Variants in TAS2R1 observed in about 807,000 individuals in gnomAD.
TAS2R1 encodes the protein taste 2 receptor member 1.
For missense variants in TAS2R1, 370 were observed against 353.4 expected (o/e 1.05, Z -0.38); for synonymous variants, 141 against 134.2 (o/e 1.05, Z -0.35).
intron 1 of TAS2R1, among the ~76,000 whole-genome samples, chr5:9,681,466 T>A (rs1740993377): frequency 6.8e-6 from 1 of 147,562 alleles, no homozygotes; most frequent in Non-Finnish European, 1.5e-5. Context: ...GAGTACCATC[T>A]CTTATCTTTC....
intron 1 of TAS2R1, among the ~76,000 whole-genome samples, chr5:9,672,684 A>G (rs1054993890): frequency 6.6e-6 from 1 of 152,180 alleles, no homozygotes; most frequent in Non-Finnish European, 1.5e-5. Context: ...CTGCTGGTTG[A>G]AATGTAAATT....
chr5:9,728,723 G>A, the TAS2R1 span, among the ~76,000 whole-genome samples: 1 of 152,180 alleles, frequency 6.6e-6, no homozygotes, highest in African/African-American at 2.4e-5. Flanking sequence ...AAGGGCAAGT[G>A]GCACGTCTGC....
In TAS2R1 at chr5:9,677,135, G is replaced by A. The variant is rs188262751; in HGVS notation, c.-241-17554C>T. 9.2e-5 allele frequency among the ~76,000 whole-genome samples: 14 copies of A among 152,188 alleles called. No individual in the cohort carries two copies. In the East Asian group the frequency reaches 1.5e-3, roughly 17 times the overall value. Reference sequence around the variant, plus strand: ...ACGGATGGAGCTGGAAACCATTATCGTTAGCAAACTAACTCAGGGACAGAA... The same window carrying A: ...ACGGATGGAGCTGGAAACCATTATCATTAGCAAACTAACTCAGGGACAGAA... On this transcript the variant is annotated intron_variant, in intron 1 of 2. Coordinates refer to the TAS2R1 transcript ENST00000506620.
At chr5:9,827,883 G>A in the TAS2R1 span, among the ~76,000 whole-genome samples, 1 of 152,136 alleles carries the variant, frequency 6.6e-6, no homozygotes, top group Non-Finnish European at 1.5e-5. Context: ...CCAAGTTTAT[G>A]TACTTATATT....
chr5:9,629,965 G>A lies in TAS2R1; in HGVS notation c.68C>T (p.Thr23Ile). The change falls in exon 1 of 1, where the codon ACA becomes ATA. Residue 23 changes from threonine (T) to isoleucine (I), a missense_variant. Transcript: ENST00000382492. ...ATTCACCACCACAATGATGCCATTT[G>A]TGAAAATCCCAAGAAGAAATTGTAT... ...AVIQFLLGIF[T>I]NGIIVVVNGI... 1.2e-6 allele frequency: 2 copies of A among 1,605,938 alleles called. No homozygotes were observed. The highest frequency in any genetic ancestry group is 1.7e-6 in the Non-Finnish European group (2 of 1,177,424).
chr5:9,876,448 T>A, the TAS2R1 span, among the ~76,000 whole-genome samples: 2 of 152,132 alleles, frequency 1.3e-5, no homozygotes, highest in Admixed American at 1.3e-4. Flanking sequence ...AAGGCCACAA[T>A]TGTTCTCTTG....
the TAS2R1 span, among the ~76,000 whole-genome samples, chr5:9,718,621 T>TACAAA: frequency 3.5e-3 from 530 of 152,106 alleles, 1 homozygote; most frequent in Non-Finnish European, 5.8e-3. Context: ...CCCTCATCTC[T>TACAAA]ACAAAACAAA....
At chr5:9,737,422 A>G in the TAS2R1 span, among the ~76,000 whole-genome samples, 1 of 152,180 alleles carries the variant, frequency 6.6e-6, no homozygotes, top group Non-Finnish European at 1.5e-5. Flanking sequence ...AATTATAACA[A>G]TGTCATAAAA....
the TAS2R1 span, among the ~76,000 whole-genome samples, chr5:9,719,686 T>C: frequency 6.6e-6 from 1 of 151,932 alleles, no homozygotes; most frequent in Non-Finnish European, 1.5e-5. Context: ...CCCAGCACTT[T>C]GGGAGGCCGA....
chr5:9,850,902 T>C, the TAS2R1 span, among the ~76,000 whole-genome samples: 2 of 151,984 alleles, frequency 1.3e-5, no homozygotes. Flanking sequence ...AATTAAAGAG[T>C]CCCAGACCTG....
the TAS2R1 span, among the ~76,000 whole-genome samples, chr5:9,837,181 C>T: frequency 6.6e-6 from 1 of 152,154 alleles, no homozygotes; most frequent in East Asian, 1.9e-4. Context: ...CACACATACA[C>T]ACAAATACAC....
At chr5:9,652,254 C>A (rs1471158447) in intron 2 of TAS2R1, among the ~76,000 whole-genome samples, 1 of 152,226 alleles carries the variant, frequency 6.6e-6, no homozygotes, top group Non-Finnish European at 1.5e-5. Context: ...TGGGACCCAA[C>A]TACACATCGT....
intron 1 of TAS2R1, among the ~76,000 whole-genome samples, chr5:9,665,624 C>T (rs1211262460): frequency 2.0e-5 from 3 of 152,230 alleles, no homozygotes; most frequent in Non-Finnish European, 4.4e-5. Context: ...TCTAAGACCA[C>T]AGCCTCTGGG....
chr5:9,631,814 C>T (rs1162011660), upstream of TAS2R1, among the ~76,000 whole-genome samples: 3 of 152,146 alleles, frequency 2.0e-5, no homozygotes, highest in African/African-American at 7.2e-5. Flanking sequence ...TTTTATGGCT[C>T]TTCTCTGAAT....
chr5:9,643,966 T>A (rs966275491), intron 2 of TAS2R1, among the ~76,000 whole-genome samples: 2 of 152,070 alleles, frequency 1.3e-5, no homozygotes, highest in African/African-American at 4.8e-5. Context: ...AATAGTATCC[T>A]CACTCCCCAT....
the TAS2R1 span, among the ~76,000 whole-genome samples, chr5:9,874,793 T>C: frequency 6.6e-6 from 1 of 152,140 alleles, no homozygotes; most frequent in African/African-American, 2.4e-5. Flanking sequence ...CCCATCTTTT[T>C]CCTTTTCTCA....
the TAS2R1 span, among the ~76,000 whole-genome samples, chr5:9,881,530 A>G: frequency 6.6e-6 from 1 of 152,244 alleles, no homozygotes; most frequent in African/African-American, 2.4e-5. Flanking sequence ...TAAGGAATGA[A>G]AAAAGGCCCA....
At chr5:9,692,655 AGG>A (rs1741268585) in intron 1 of TAS2R1, among the ~76,000 whole-genome samples, 1 of 152,190 alleles carries the variant, frequency 6.6e-6, no homozygotes, top group Non-Finnish European at 1.5e-5. Flanking sequence ...ATCCTAATAT[AGG>A]GCATTGTCTT....
the TAS2R1 span, among the ~76,000 whole-genome samples, chr5:9,879,207 A>T: frequency 6.6e-6 from 1 of 152,272 alleles, no homozygotes; most frequent in African/African-American, 2.4e-5. Flanking sequence ...CATGGTGAAC[A>T]AACTGTCAAC....
Sources: allele counts gnomAD v4.1 joint callset (sites outside exome capture counted in the v4.1 genomes callset), GRCh38; gene constraint gnomAD v4.1.1; transcripts MANE v1.5; gene names NCBI Gene and HGNC (gene_info 2026-07-23, HGNC 2026-07-21).